Variants in PHF23 observed in about 807,000 individuals in gnomAD.
PHF23 encodes the protein PDH-containing protein JUNE-1.
In PHF23, 3 loss-of-function variants were observed where a neutral mutation model predicts 36.0. The ratio of observed to expected loss-of-function variants is 0.08; its 90% CI spans 0.04 to 0.22. The LOEUF (loss-of-function observed/expected upper bound fraction) is 0.22. Among genes scored for constraint, PHF23 ranks in the 10% least tolerant of loss-of-function variants. PHF23 has a pLI of 1.00. For synonymous variants in PHF23, 242 were observed against 192.5 expected, an observed-to-expected ratio of 1.26 and a Z score of -2.13; for missense variants, 475 against 513.6, an observed-to-expected ratio of 0.92 and a Z score of 0.73.
chr17:7,239,522 C>T (rs895758452), upstream of PHF23: 3 of 408,016 alleles, frequency 7.4e-6, no homozygotes, highest in African/African-American at 2.2e-5. Flanking sequence ...TCCTCCACCT[C>T]CTCTCTCCTC....
rs1454779063 is a variant in PHF23, at chr17:7,236,916, A to AC, written c.160-150dup. The AC allele has an allele frequency of 7.0e-7, 1 of 1,426,750 alleles. No individual in the cohort carries two copies. The highest frequency in any genetic ancestry group is 9.2e-7 in the Non-Finnish European group (1 of 1,092,110). 88.4% of individuals were successfully genotyped at this position (1,426,750 alleles called of 1,614,324 possible). On this transcript the variant is annotated intron_variant, in intron 3 of 4. Transcript: ENST00000320316. This position sits in a 1 kb window ranked among gnomAD's most constrained non-coding sequence, Gnocchi z 5.1. The stretch of plus-strand genomic sequence containing the variant: ...CACTGTACTCCAAAAACTTCTCCCC[A>AC]CCCCAATTCCCATCAGCATGTCCTC...
chr17:7,238,533 AGCCACC>A, intron 1 of PHF23: 2 of 976,922 alleles, frequency 2.0e-6, no homozygotes, highest in Non-Finnish European at 2.4e-6. Context: ...TCTCCACAGC[AGCCACC>A]GCTGCTGCCG....
intron 1 of PHF23, chr17:7,238,806 A>G (rs1414467248): frequency 1.3e-6 from 2 of 1,531,452 alleles, no homozygotes; most frequent in South Asian, 1.2e-5. Context: ...ATCACCGGGC[A>G]TTCTCCGGCG....
At chr17:7,239,505 C>T, upstream of PHF23, 2 of 475,826 alleles carry the variant, frequency 4.2e-6, no homozygotes, top group Non-Finnish European at 7.6e-6. Flanking sequence ...CTGCTCCCTC[C>T]TCCTCCTCCT....
At chr17:7,237,255 T>TA in intron 3 of PHF23, 130 bp downstream of exon 3, 1 of 863,850 alleles carries the variant, frequency 1.2e-6, no homozygotes, top group South Asian at 1.6e-5. Flanking sequence ...CCTAAGAGTC[T>TA]CCAACTTCCC....
In PHF23 at chr17:7,239,350, C is replaced by T. The variant is rs2071747205; in HGVS notation, c.-71G>A. Reference sequence around the variant, plus strand: ...GGGGATCCCGGTGCCGCCTCTAGTGCTCGATGCTCCCACTGCTTCGCTCCA... The same window carrying T: ...GGGGATCCCGGTGCCGCCTCTAGTGTTCGATGCTCCCACTGCTTCGCTCCA... On this transcript the variant is annotated 5_prime_UTR_variant, in exon 1 of 5. Transcript: ENST00000320316. The T allele has an allele frequency of 1.3e-6, 1 of 770,292 alleles. No individual in the cohort carries two copies. Among genetic ancestry groups the T allele is most frequent in the Non-Finnish European group, 2.2e-6 (1 of 450,576 alleles). 47.7% of individuals were successfully genotyped at this position (770,292 alleles called of 1,614,324 possible).
rs1400571008 is a variant in PHF23, at chr17:7,236,143, T to C, written c.784A>G (p.Met262Val). Reference sequence around the variant, plus strand: ...GCTTCACCCCCTACCACTGTTGCCATCTCTTCTTCTTCTTCCTCTTCCTCC... The same window carrying C: ...GCTTCACCCCCTACCACTGTTGCCACCTCTTCTTCTTCTTCCTCTTCCTCC... ...EEEEEEEEEE[M>V]ATVVGGEAPV... The change falls in exon 4 of 5, where the codon ATG becomes GTG. Residue 262 changes from methionine (M) to valine (V), a missense_variant. By Grantham distance (21) the Met-to-Val change is conservative. Transcript: ENST00000320316. This position sits in a 1 kb window ranked among gnomAD's most constrained non-coding sequence, Gnocchi z 5.1. 1 of 1,610,328 alleles carries C rather than the reference T, an allele frequency of 6.2e-7. No homozygotes were observed. The highest frequency in any genetic ancestry group is 1.7e-5 in the Admixed American group (1 of 59,646).
rs1257862553 is a variant in PHF23, at chr17:7,236,226, G to A, written c.701C>T (p.Pro234Leu). 6.2e-6 allele frequency: 10 copies of A among 1,613,238 alleles called. No homozygotes were observed. Among genetic ancestry groups the A allele is most frequent in the South Asian group, 4.4e-5 (4 of 90,988 alleles). ...GGGGGGTGCCTGGGGAGGCCCAGGA[G>A]GTGGGAGTCTATCCCCCCGTTCTGC... is the stretch of plus-strand genomic sequence containing the variant. ...KKAERGDRLP[P>L]PGPPQAPPSD... The change falls in exon 4 of 5, where the codon CCT (proline) becomes CTT (leucine). Residue 234 changes from proline (P) to leucine (L), a missense_variant. By Grantham distance (98) the Pro-to-Leu change is moderately conservative. Transcript: ENST00000320316. The surrounding 1 kb of genome is among the most constrained non-coding windows in gnomAD (Gnocchi z 5.1).
In PHF23 at chr17:7,236,174, C is replaced by T. The variant is rs773284995; in HGVS notation, c.753G>A (p.Glu251=). 2 of 1,610,736 alleles carry T rather than the reference C, an allele frequency of 1.2e-6. No homozygotes were observed. The highest frequency in any genetic ancestry group is 1.7e-6 in the Non-Finnish European group (2 of 1,178,092). The change falls in exon 4 of 5, where the codon GAG becomes GAA. Residue 251 remains glutamate, a synonymous_variant. Coordinates refer to ENST00000320316, the MANE Select transcript of PHF23 (RefSeq NM_024297.3). The surrounding 1 kb of genome is among the most constrained non-coding windows in gnomAD (Gnocchi z 5.1). ...CTTCTTCTTCCTCTTCCTCCTCTTC[C>T]TCCTCCTCTTCAGAGTCTGTATCAC... ...PPSDTDSEEE[E]EEEEEEEEEE...
Position 7,239,401 on chromosome 17 carries a change from G to A in PHF23, c.-122C>T, listed in dbSNP as rs1360309246. ...CAGAAGTGTCCGCCTCAGCCCGGTT[G>A]AGACTCGAGTCCGCTAGCCGCTGCC... On this transcript the variant is annotated 5_prime_UTR_variant, in exon 1 of 5. Coordinates refer to ENST00000320316, the MANE Select transcript of PHF23 (RefSeq NM_024297.3). The A allele has an allele frequency of 7.6e-6, 4 of 528,836 alleles. No homozygotes were observed. The highest frequency in any genetic ancestry group is 1.4e-5 in the Non-Finnish European group (4 of 289,322). The allele number at this position is 528,836 out of a possible 1,614,324, so 32.8% of individuals were successfully genotyped here.
chr17:7,239,148 C>T (rs1051930478), intron 1 of PHF23, 98 bp downstream of exon 1: 2 of 1,037,788 alleles, frequency 1.9e-6, no homozygotes, highest in Non-Finnish European at 1.4e-6. Flanking sequence ...CCTCCCCGAA[C>T]TCCCCCGCTG....
chr17:7,240,828 C>G, upstream of PHF23: 1 of 1,548,584 alleles, frequency 6.5e-7, no homozygotes, highest in South Asian at 1.1e-5. Context: ...AGAATGAGAC[C>G]CCCCTCCAGC....
Position 7,237,652 on chromosome 17 carries a change from G to C in PHF23, c.43C>G (p.Pro15Ala), listed in dbSNP as rs779191244. Residue 15 changes from proline to alanine, a missense_variant, in exon 2 of 5, where the codon CCG (proline) becomes GCG (alanine). Transcript: ENST00000320316. Reference sequence around the variant, plus strand: ...ACCTGAGTCTCTGGCTTAAGGGTCGGAGGTGGATCTGGAAAAGCAATAAAA... The same window carrying C: ...ACCTGAGTCTCTGGCTTAAGGGTCGCAGGTGGATCTGGAAAAGCAATAAAA... Reference protein sequence around the residue: ...MAEPSPEDPPPTLKPETQPPE... With the variant: ...MAEPSPEDPPATLKPETQPPE... 1.2e-6 allele frequency: 2 copies of C among 1,613,920 alleles called. No homozygotes were observed. The highest frequency in any genetic ancestry group is 1.7e-6 in the Non-Finnish European group (2 of 1,179,918).
rs2071748216 is a variant in PHF23, at chr17:7,239,408, G to C, written c.-129C>G. On this transcript the variant is annotated 5_prime_UTR_variant, in exon 1 of 5. Transcript: ENST00000320316. Reference sequence around the variant, plus strand: ...GTCCGCCTCAGCCCGGTTGAGACTCGAGTCCGCTAGCCGCTGCCGCCACCT... The same window carrying C: ...GTCCGCCTCAGCCCGGTTGAGACTCCAGTCCGCTAGCCGCTGCCGCCACCT... The C allele has an allele frequency of 1.2e-5, 6 of 505,194 alleles. No individual in the cohort carries two copies. Among genetic ancestry groups the C allele is most frequent in the Non-Finnish European group, 2.2e-5 (6 of 275,750 alleles). 31.3% of individuals were successfully genotyped at this position (505,194 alleles called of 1,614,324 possible). A position where few individuals can be genotyped will look rare whatever the true frequency, so the allele number is the denominator to read the frequency against.
chr17:7,238,866 C>A, intron 1 of PHF23: 4 of 1,534,330 alleles, frequency 2.6e-6, no homozygotes, highest in Non-Finnish European at 2.6e-6. Flanking sequence ...CCCACCTCGG[C>A]GAACTACCGG....
chr17:7,237,136 C>G (rs892542358), intron 3 of PHF23, among the ~76,000 whole-genome samples: 3 of 152,160 alleles, frequency 2.0e-5, no homozygotes, highest in Non-Finnish European at 4.4e-5. Flanking sequence ...CACCTCAAGA[C>G]TATGCCAAAA....
chr17:7,238,821 C>CT (rs1567583575), intron 1 of PHF23: 2 of 1,534,146 alleles, frequency 1.3e-6, no homozygotes, highest in South Asian at 2.4e-5. Flanking sequence ...CCGGCGGCAA[C>CT]TACTCGGAGC....
At chr17:7,237,290 G>T in intron 3 of PHF23, 95 bp downstream of exon 3, 1 of 1,092,054 alleles carries the variant, frequency 9.2e-7, no homozygotes, top group Non-Finnish European at 1.3e-6. Context: ...ATTTCTAAGG[G>T]CCTCCTTCTA....
upstream of PHF23, chr17:7,240,786 G>T: frequency 9.8e-7 from 1 of 1,015,624 alleles, no homozygotes; most frequent in Non-Finnish European, 1.6e-6. Context: ...AGGAGGAGGA[G>T]GTCAAGAAAG....
Sources: gnomAD v4.1 joint callset for allele counts (sites outside exome capture counted in the v4.1 genomes callset) on GRCh38, gnomAD v4.1.1 for gene constraint, Gnocchi (gnomAD v3.1) non-coding constraint, MANE v1.5 for transcripts, NCBI Gene and HGNC (gene_info 2026-07-23, HGNC 2026-07-21) for gene names.